The following MOXD1 variants were observed in gnomAD, a reference collection of about 807,000 sequenced individuals.
The protein encoded by MOXD1 is DBH-like monooxygenase protein 1.
MOXD1 carries 62 observed loss-of-function variants against 66.6 expected under a neutral mutation model. The observed-to-expected ratio is 0.93, with a 90% CI of 0.76 to 1.15. The LOEUF is 1.15. MOXD1 is among the 50% of genes most tolerant of loss of function. The pLI is 0.00. For synonymous variants in MOXD1, 303 were observed against 281.9 expected, an observed-to-expected ratio of 1.07 and a Z score of -0.75; for missense variants, 847 against 754.6, an observed-to-expected ratio of 1.12 and a Z score of -1.44.
chr6:132,369,738 G>A (rs1233365233), intron 4 of MOXD1, among the ~76,000 whole-genome samples: 1 of 152,048 alleles, frequency 6.6e-6, no homozygotes, highest in Non-Finnish European at 1.5e-5. Flanking sequence ...GCTGGACAAA[G>A]GAATGATTCA....
At chr6:132,381,986 A>G (rs1776521494) in intron 1 of MOXD1, among the ~76,000 whole-genome samples, 4 of 152,234 alleles carry the variant, frequency 2.6e-5, no homozygotes, top group African/African-American at 9.6e-5. Context: ...CACTCATGGT[A>G]AAGGCCATTC....
intron 4 of MOXD1, among the ~76,000 whole-genome samples, chr6:132,361,487 T>C (rs930550751): frequency 2.0e-5 from 3 of 152,172 alleles, no homozygotes; most frequent in Non-Finnish European, 4.4e-5. Flanking sequence ...ATTACTATAA[T>C]AAGATGTATT....
At chr6:132,383,490 A>G (rs1440137542) in intron 1 of MOXD1, among the ~76,000 whole-genome samples, 1 of 152,218 alleles carries the variant, frequency 6.6e-6, no homozygotes, top group African/African-American at 2.4e-5. Flanking sequence ...TAGTGTTCCA[A>G]TGAGAAAGAG....
At chr6:132,334,960 G>T (rs1775406935) in intron 4 of MOXD1, among the ~76,000 whole-genome samples, 1 of 152,112 alleles carries the variant, frequency 6.6e-6, no homozygotes, top group African/African-American at 2.4e-5. Context: ...CAAGTGACTG[G>T]GTACAGAGAT....
intron 4 of MOXD1, among the ~76,000 whole-genome samples, chr6:132,329,345 C>T (rs1223336185): frequency 6.6e-6 from 1 of 152,120 alleles, no homozygotes; most frequent in Non-Finnish European, 1.5e-5. Flanking sequence ...TGTATATGTG[C>T]CACATTTTCT....
rs1166086289 is a variant in MOXD1 at position 132,376,501 on chromosome 6, C to CTT, written c.265-1726_265-1725dup. On this transcript the variant is annotated intron_variant, in intron 1 of 11. Coordinates refer to ENST00000367963, the MANE Select transcript of MOXD1 (RefSeq NM_015529.4). ...ACAATGGTAACAATAACTACAGCTT[C>CTT]TTTTTTTTTTTTTTTTTTTTTTTTT... is the stretch of plus-strand genomic sequence containing the variant. Among the ~76,000 whole-genome samples the CTT allele has an allele frequency of 2.6e-3, 172 of 65,366 alleles. 15 individuals carry two copies. The highest frequency in any genetic ancestry group is 7.8e-3 in the East Asian group (9 of 1,160). 42.9% of individuals were successfully genotyped at this position (65,366 alleles called of 152,430 possible). A position where few individuals can be genotyped will look rare whatever the true frequency, so the allele number is the denominator to read the frequency against.
At chr6:132,322,536 T>C (rs1316739768) in intron 8 of MOXD1, 143 bp downstream of exon 8, 5 of 709,826 alleles carry the variant, frequency 7.0e-6, no homozygotes, top group East Asian at 5.9e-5. Context: ...TCCATCTGGG[T>C]TGTACAACAC....
intron 10 of MOXD1, among the ~76,000 whole-genome samples, chr6:132,299,389 T>C (rs574326946): frequency 5.9e-5 from 9 of 152,084 alleles, no homozygotes; most frequent in African/African-American, 1.2e-4. Context: ...CAATATACCA[T>C]TGTAACAAAC....
chr6:132,390,143 T>C (rs989503784), intron 1 of MOXD1, among the ~76,000 whole-genome samples: 20 of 151,622 alleles, frequency 1.3e-4, no homozygotes, highest in African/African-American at 4.6e-4. Flanking sequence ...AACATCTGTG[T>C]AACAATGCCA....
rs1562289939 is a variant in MOXD1 at position 132,349,423 on chromosome 6, A to ACATATATATACATG, written c.664-20830_664-20829insCATGTATATATATG. 2.8e-3 allele frequency among the ~76,000 whole-genome samples: 171 copies of ACATATATATACATG among 61,036 alleles called. 28 individuals carry two copies. Among genetic ancestry groups the ACATATATATACATG allele is most frequent in the African/African-American group, 0.024 (159 of 6,704 alleles). 40.0% of individuals were successfully genotyped at this position (61,036 alleles called of 152,430 possible). A position where few individuals can be genotyped will look rare whatever the true frequency, so the allele number is the denominator to read the frequency against. On this transcript the variant is annotated intron_variant, in intron 4 of 11. Coordinates refer to ENST00000367963, the MANE Select transcript of MOXD1 (RefSeq NM_015529.4). ...TATATATACATATATATATATATACATATATATATATACATATATATATAT... is the reference window on the plus strand; with the variant it reads ...TATATATACATATATATATATATACACATATATATACATGTATATATATATACATATATATATAT...
chr6:132,310,894 C>A (rs572854902), intron 10 of MOXD1, among the ~76,000 whole-genome samples: 13 of 152,078 alleles, frequency 8.5e-5, no homozygotes, highest in South Asian at 2.1e-4. Flanking sequence ...CCAATAAGTG[C>A]AGCAAACCAC....
At chr6:132,392,981 TG>T in intron 1 of MOXD1, among the ~76,000 whole-genome samples, 1 of 152,336 alleles carries the variant, frequency 6.6e-6, no homozygotes, top group Admixed American at 6.5e-5. Flanking sequence ...AATGTCACAC[TG>T]CCCTCTGGAG....
intron 10 of MOXD1, among the ~76,000 whole-genome samples, chr6:132,299,889 CCTCT>C (rs3038133): frequency 0.015 from 2,219 of 146,414 alleles, 18 homozygotes; most frequent in Middle Eastern, 0.024. Context: ...TTTCTCTCTC[CCTCT>C]CTCTCTCTCT....
intron 4 of MOXD1, among the ~76,000 whole-genome samples, chr6:132,348,432 G>T (rs1313757364): frequency 2.0e-5 from 3 of 152,150 alleles, no homozygotes. Flanking sequence ...AAAGATCAAG[G>T]TGGGTCCCAA....
chr6:132,369,575 CT>C (rs1237151673), intron 4 of MOXD1, among the ~76,000 whole-genome samples: 1 of 151,950 alleles, frequency 6.6e-6, no homozygotes, highest in Non-Finnish European at 1.5e-5. Flanking sequence ...CATCATTACT[CT>C]TGTGCTTTGG....
intron 4 of MOXD1, 84 bp from the exon 5 acceptor site, chr6:132,328,678 T>A: frequency 7.9e-7 from 1 of 1,262,180 alleles, no homozygotes. Context: ...CTAGCATAAA[T>A]TACTGTCAGT....
intron 4 of MOXD1, among the ~76,000 whole-genome samples, chr6:132,333,053 T>C (rs139365714): frequency 0.013 from 1,995 of 152,218 alleles, 42 homozygotes; most frequent in African/African-American, 0.045. Context: ...ATACTGAGGC[T>C]GGGCCGGGCG....
intron 1 of MOXD1, among the ~76,000 whole-genome samples, chr6:132,394,241 C>T (rs965370682): frequency 2.0e-5 from 3 of 152,146 alleles, no homozygotes; most frequent in South Asian, 4.1e-4. Context: ...AGAGACTATA[C>T]AACCACCCAC....
intron 1 of MOXD1, among the ~76,000 whole-genome samples, chr6:132,397,647 AAAGAAAGAAAG>A (rs1278079073): frequency 1.0e-5 from 1 of 97,284 alleles, no homozygotes; most frequent in Non-Finnish European, 2.1e-5. Flanking sequence ...AGAAAGAAAG[AAAGAAAGAAAG>A]AAAGAAAGAA....
Sources: gnomAD v4.1 joint callset for allele counts (sites outside exome capture counted in the v4.1 genomes callset) on GRCh38, gnomAD v4.1.1 for gene constraint, MANE v1.5 for transcripts, NCBI Gene and HGNC (gene_info 2026-07-23, HGNC 2026-07-21) for gene names.